BICC1: variants seen among roughly 807,000 people sequenced by gnomAD.
BICC1 encodes the protein BicC family RNA binding protein 1, also known as protein bicaudal C homolog 1.
In BICC1, 43 loss-of-function variants were observed where a neutral mutation model predicts 111.0. That is an observed-to-expected ratio of 0.39 (90% CI 0.30 to 0.50). The LOEUF (loss-of-function observed/expected upper bound fraction) is 0.50. Ranked by LOEUF, BICC1 falls within the 20% of genes least tolerant of loss-of-function variation. The pLI is 0.88. For missense variants in BICC1, 1,091 were observed against 1,203.2 expected (o/e 0.91, Z 1.38); for synonymous variants, 467 against 434.4 (o/e 1.07, Z -0.93).
intron 1 of BICC1, among the ~76,000 whole-genome samples, chr10:58,568,481 G>A (rs928378785): frequency 6.6e-6 from 1 of 152,216 alleles, no homozygotes; most frequent in East Asian, 1.9e-4. Context: ...TTATTTTAAT[G>A]TTCCAGTGGG....
chr10:58,808,951 G>T (rs139914360), intron 17 of BICC1, among the ~76,000 whole-genome samples: 35 of 152,124 alleles, frequency 2.3e-4, no homozygotes, highest in African/African-American at 8.2e-4. Flanking sequence ...CTGACCTCAG[G>T]TGATCTGCCC....
chr10:58,635,387 A>T (rs763046965), intron 2 of BICC1, among the ~76,000 whole-genome samples: 1 of 152,092 alleles, frequency 6.6e-6, no homozygotes, highest in Non-Finnish European at 1.5e-5. Flanking sequence ...CTTGCTAGAA[A>T]CTCCATTCTA....
chr10:58,574,776 C>T (rs1844058925), intron 1 of BICC1, among the ~76,000 whole-genome samples: 1 of 151,884 alleles, frequency 6.6e-6, no homozygotes, highest in Admixed American at 6.6e-5. Context: ...ACGAAAAATT[C>T]CCTATTTTCT....
At chr10:58,770,052 A>G (rs1348481264) in intron 3 of BICC1, among the ~76,000 whole-genome samples, 2 of 152,180 alleles carry the variant, frequency 1.3e-5, no homozygotes, top group African/African-American at 2.4e-5. Flanking sequence ...TAAAAATTTT[A>G]TAAATTTCGG....
intron 17 of BICC1, among the ~76,000 whole-genome samples, chr10:58,812,552 A>G (rs983039283): frequency 6.7e-6 from 1 of 149,774 alleles, no homozygotes; most frequent in African/African-American, 2.5e-5. Flanking sequence ...GATCTTGCTC[A>G]TTGCAACCTC....
Position 58,601,140 on chromosome 10 carries a change from T to TATA in BICC1, c.191-19715_191-19714insATA, listed in dbSNP as rs1554810885. Reference sequence around the variant, plus strand: ...ACTTTTTAGGCAGTCATTTTAAAACTTATATATATATATATATATATATAT... The same window carrying TATA: ...ACTTTTTAGGCAGTCATTTTAAAACTATATATATATATATATATATATATATAT... On this transcript the variant is annotated intron_variant, in intron 1 of 20. Coordinates refer to ENST00000373886, the MANE Select transcript of BICC1 (RefSeq NM_001080512.3). Among the ~76,000 whole-genome samples, 4 of 100,672 alleles carry TATA rather than the reference T, an allele frequency of 4.0e-5. 1 individual carries two copies. The highest frequency in any genetic ancestry group is 7.1e-3 in the Middle Eastern group (1 of 140). 66.0% of individuals were successfully genotyped at this position (100,672 alleles called of 152,430 possible).
chr10:58,801,005 G>A lies in BICC1; in HGVS notation c.1974G>A (p.Gln658=), dbSNP rs12220646. The change falls in exon 14 of 21, where the codon CAG becomes CAA. Residue 658 remains glutamine, a synonymous_variant. Coordinates refer to ENST00000373886, the MANE Select transcript of BICC1 (RefSeq NM_001080512.3). ...CPSKVSCAKR[Q]TVELLQGTKN... ...CCAAGGTTTCCTGTGCCAAAAGGCA[G>A]ACAGTGGAACTATTGCAAGGCACGA... 1.2e-6 allele frequency: 2 copies of A among 1,612,088 alleles called. No individual in the cohort carries two copies. The highest frequency in any genetic ancestry group is 4.5e-5 in the East Asian group (2 of 44,724).
At chr10:58,754,885 C>A (rs992253644) in intron 3 of BICC1, among the ~76,000 whole-genome samples, 1 of 152,086 alleles carries the variant, frequency 6.6e-6, no homozygotes, top group African/African-American at 2.4e-5. Flanking sequence ...ATTCTTGTAG[C>A]ATCCTTAATG....
At chr10:58,555,808 C>G (rs1261399910) in intron 1 of BICC1, among the ~76,000 whole-genome samples, 1 of 152,062 alleles carries the variant, frequency 6.6e-6, no homozygotes, top group African/African-American at 2.4e-5. Flanking sequence ...ACTTGGATTA[C>G]TGGAGAATCA....
chr10:58,825,661 A>G (rs957190240), intron 20 of BICC1, among the ~76,000 whole-genome samples: 2 of 152,196 alleles, frequency 1.3e-5, no homozygotes, highest in African/African-American at 4.8e-5. Flanking sequence ...TTCTGTTGCT[A>G]TTGCAGTGAG....
At chr10:58,718,742 A>ATGTGTGTGTGTGTGTGTGTGTGTG (rs371273354) in intron 3 of BICC1, among the ~76,000 whole-genome samples, 3 of 148,448 alleles carry the variant, frequency 2.0e-5, no homozygotes, top group African/African-American at 7.6e-5. Context: ...TAGCATGGAA[A>ATGTGTGTGTGTGTGTGTGTGTGTG]TGTGTGTGTG....
chr10:58,774,236 G>A (rs530415747), intron 3 of BICC1, among the ~76,000 whole-genome samples: 2 of 152,208 alleles, frequency 1.3e-5, no homozygotes, highest in African/African-American at 4.8e-5. Flanking sequence ...AAGAGATAAA[G>A]TTGAGAAACT....
At position 58,629,311 on chromosome 10, in the gene BICC1, T is replaced by C. The variant is rs562012264; in HGVS notation, c.237+8410T>C. Among the ~76,000 whole-genome samples the C allele has an allele frequency of 4.8e-4, 22 of 46,180 alleles. No homozygotes were observed. The East Asian group carries it at 0.013, about 27-fold the overall frequency. The allele number at this position is 46,180 out of a possible 152,430, so 30.3% of individuals were successfully genotyped here. A position where few individuals can be genotyped will look rare whatever the true frequency, so the allele number is the denominator to read the frequency against. ...GGGGATATCGTGGTCTAAATAGTCG[T>C]AGATTGATTTTTTTTTTTCAAGTTT... On this transcript the variant is annotated intron_variant, in intron 2 of 20. Coordinates refer to ENST00000373886, the MANE Select transcript of BICC1 (RefSeq NM_001080512.3).
intron 3 of BICC1, among the ~76,000 whole-genome samples, chr10:58,749,413 A>G (rs959570947): frequency 1.3e-5 from 2 of 152,170 alleles, no homozygotes; most frequent in African/African-American, 4.8e-5. Flanking sequence ...TTCCAGTAAG[A>G]ACTTCATATT....
intron 1 of BICC1, among the ~76,000 whole-genome samples, chr10:58,570,536 A>G (rs1450189604): frequency 1.3e-5 from 2 of 152,154 alleles, no homozygotes; most frequent in Non-Finnish European, 2.9e-5. Context: ...GAAACTATTC[A>G]TAACAGATGC....
intron 2 of BICC1, among the ~76,000 whole-genome samples, chr10:58,674,379 G>A (rs934980552): frequency 6.6e-6 from 1 of 152,122 alleles, no homozygotes; most frequent in African/African-American, 2.4e-5. Flanking sequence ...TAGTGAAGGG[G>A]TGTTAGTGAA....
chr10:58,664,895 G>A (rs1219404646), intron 2 of BICC1, among the ~76,000 whole-genome samples: 1 of 152,138 alleles, frequency 6.6e-6, no homozygotes, highest in African/African-American at 2.4e-5. Context: ...TGCTGTTGCT[G>A]TAGTTACCTT....
intron 1 of BICC1, among the ~76,000 whole-genome samples, chr10:58,570,763 C>T (rs1269145911): frequency 6.6e-6 from 1 of 152,076 alleles, no homozygotes; most frequent in Non-Finnish European, 1.5e-5. Flanking sequence ...TTAACTTAAA[C>T]CAGAACTGTG....
At chr10:58,741,820 C>T (rs946929509) in intron 3 of BICC1, among the ~76,000 whole-genome samples, 10 of 152,116 alleles carry the variant, frequency 6.6e-5, no homozygotes, top group Non-Finnish European at 1.2e-4. Context: ...CGAGACGAGT[C>T]AAGACTGACT....
Sources: allele counts gnomAD v4.1 joint callset (sites outside exome capture counted in the v4.1 genomes callset), GRCh38; gene constraint gnomAD v4.1.1; transcripts MANE v1.5; gene names NCBI Gene and HGNC (gene_info 2026-07-23, HGNC 2026-07-21).